TMEM63B: variants seen among roughly 807,000 people sequenced by gnomAD.
TMEM63B encodes mechanosensitive cation channel TMEM63B.
Under a neutral mutation model 102.6 loss-of-function variants are expected in TMEM63B, and 23 were observed. The observed-to-expected ratio is 0.22, with a 90% CI of 0.16 to 0.32. The LOEUF (loss-of-function observed/expected upper bound fraction) is 0.32. TMEM63B is among the 10% of genes least tolerant of loss of function. The pLI, the probability that TMEM63B is intolerant of heterozygous loss-of-function variation, is 1.00. For synonymous variants in TMEM63B, 444 were observed against 437.0 expected (o/e 1.02, Z -0.20); for missense variants, 628 against 1,095.9 (o/e 0.57, Z 6.03).
At chr6:44,149,078 A>C in intron 15 of TMEM63B, 133 bp downstream of exon 15, 1 of 1,405,608 alleles carries the variant, frequency 7.1e-7, no homozygotes, top group Non-Finnish European at 9.8e-7. Context: ...CAGCTCCCAA[A>C]AACCCCTGTG....
At chr6:44,135,410 C>T (rs767609101) in intron 4 of TMEM63B, 44 bp downstream of exon 4, 1 of 1,580,622 alleles carries the variant, frequency 6.3e-7, no homozygotes, top group Non-Finnish European at 8.6e-7. Context: ...AACCAGCTTT[C>T]CCTTTTCTTC....
chr6:44,134,616 C>T lies in TMEM63B; in HGVS notation c.32C>T (p.Thr11Ile), dbSNP rs1174274108. Residue 11 changes from threonine (T) to isoleucine (I), a missense_variant, in exon 2 of 24, where the codon ACC (threonine) becomes ATC (isoleucine). Thr to Ile is a moderately conservative substitution (Grantham distance 89). Around this residue, in one of 6 missense-constraint regions of TMEM63B, gnomAD observed 336 missense variants for 580.3 expected, o/e 0.58. Transcript: ENST00000323267. MLPFLLATLG[T>I]TALNNSNPKD... Reference sequence around the variant, plus strand: ...CCCTTTCTGCTGGCCACACTGGGCACCACAGCCCTCAACAACAGCAACCCC... The same window carrying T: ...CCCTTTCTGCTGGCCACACTGGGCATCACAGCCCTCAACAACAGCAACCCC... 2 of 1,614,032 alleles carry T rather than the reference C, an allele frequency of 1.2e-6. No individual in the cohort carries two copies. Among genetic ancestry groups the T allele is most frequent in the Non-Finnish European group, 1.7e-6 (2 of 1,180,026 alleles).
intron 4 of TMEM63B, 144 bp downstream of exon 4, chr6:44,135,510 G>A (rs1245532983): frequency 1.2e-5 from 13 of 1,081,552 alleles, no homozygotes; most frequent in Admixed American, 5.1e-5. Flanking sequence ...TAACGCAGGC[G>A]GTGTGCTTTG....
chr6:44,129,629 A>G (rs1430267928), intron 1 of TMEM63B, among the ~76,000 whole-genome samples: 1 of 152,172 alleles, frequency 6.6e-6, no homozygotes, highest in East Asian at 1.9e-4. Flanking sequence ...CAGAGTCCCT[A>G]ACACAGTGTA....
chr6:44,154,679 TC>T lies in TMEM63B; in HGVS notation c.2308-12del. 1 of 1,534,500 alleles carries T rather than the reference TC, an allele frequency of 6.5e-7. No individual in the cohort carries two copies. The highest frequency in any genetic ancestry group is 8.8e-7 in the Non-Finnish European group (1 of 1,141,170). On this transcript the variant is annotated splice_polypyrimidine_tract_variant and intron_variant, in intron 23 of 23. Coordinates refer to ENST00000323267, the MANE Select transcript of TMEM63B (RefSeq NM_018426.3). ...AGCTGTTCACCTTGCCCCCATTTCC[TC>T]TCCTCCTTCAGAAATACATCGCTCA...
At position 44,154,361 on chromosome 6, in the gene TMEM63B, C is replaced by G. The variant is rs1767547878; in HGVS notation, c.2227-4C>G. ...ACTTCCTGACTCATTCTGGGCCCCT[C>G]AAGATTGAGCACACGGAGACAGATA... On this transcript the variant is annotated splice_region_variant and splice_polypyrimidine_tract_variant and intron_variant, in intron 22 of 23. Transcript: ENST00000323267. The G allele has an allele frequency of 1.2e-6, 2 of 1,613,798 alleles. No homozygotes were observed. The highest frequency in any genetic ancestry group is 1.3e-5 in the African/African-American group (1 of 74,900).
At position 44,152,643 on chromosome 6, in the gene TMEM63B, C is replaced by T. The variant is rs760862552; in HGVS notation, c.1887C>T (p.Cys629=). Reference sequence around the variant, plus strand: ...GCGCAGCCTACGCCTGGATGATGTGCGTCTTCACGGTGGTCATGACCTACA... The same window carrying T: ...GCGCAGCCTACGCCTGGATGATGTGTGTCTTCACGGTGGTCATGACCTACA... ...QFGAAYAWMM[C]VFTVVMTYSI... Residue 629 remains cysteine (C), a synonymous_variant, in exon 20 of 24, where the codon TGC becomes TGT. Transcript: ENST00000323267. This position sits in a 1 kb window ranked among gnomAD's most constrained non-coding sequence, Gnocchi z 6.4. 3 of 1,608,532 alleles carry T rather than the reference C, an allele frequency of 1.9e-6. No individual in the cohort carries two copies. Among genetic ancestry groups the T allele is most frequent in the South Asian group, 1.1e-5 (1 of 91,080 alleles).
intron 1 of TMEM63B, chr6:44,132,409 A>G (rs1207489945): frequency 2.4e-6 from 2 of 825,498 alleles, no homozygotes; most frequent in Non-Finnish European, 2.9e-6. Flanking sequence ...GTTGATAGGA[A>G]TGGTACTCTG....
rs766720746 is a variant in TMEM63B, at chr6:44,148,876, C to T, written c.1344C>T (p.Leu448=). ...NVVLFILLFF[L]TTPAIIITTM... ...TCCTCTTCATCCTCCTCTTCTTCCT[C>T]ACCACTCCAGCCATCATCATCACCA... is the stretch of plus-strand genomic sequence containing the variant. Residue 448 remains leucine (L), a synonymous_variant, in exon 15 of 24, where the codon CTC becomes CTT. Transcript: ENST00000323267. The surrounding 1 kb of genome is among the most constrained non-coding windows in gnomAD (Gnocchi z 5.1). 4 of 1,614,136 alleles carry T rather than the reference C, an allele frequency of 2.5e-6. No individual in the cohort carries two copies. In the South Asian group the frequency reaches 4.4e-5, roughly 18 times the overall value.
chr6:44,154,126 G>T lies in TMEM63B; in HGVS notation c.2164G>T (p.Val722Phe), dbSNP rs756552254. ...FTFVVLVITIVICLCHVCFGH... is the reference protein window; with the variant it reads ...FTFVVLVITIFICLCHVCFGH... ...ATTTGTGGTCCTGGTCATCACCATC[G>T]TCATCTGTCTCTGCCACGTCTGCTT... is the stretch of plus-strand genomic sequence containing the variant. Residue 722 changes from valine to phenylalanine, a missense_variant, in exon 22 of 24, where the codon GTC becomes TTC. Physicochemically the swap from Val to Phe is conservative, Grantham distance 50 (BLOSUM62 -1). Coordinates refer to ENST00000323267, the MANE Select transcript of TMEM63B (RefSeq NM_018426.3). 3.1e-6 allele frequency: 5 copies of T among 1,613,970 alleles called. No individual in the cohort carries two copies. In the Admixed American group the frequency reaches 8.3e-5, roughly 27 times the overall value.
intron 10 of TMEM63B, among the ~76,000 whole-genome samples, chr6:44,143,477 T>C (rs1427319112): frequency 5.3e-5 from 8 of 152,218 alleles, no homozygotes; most frequent in Non-Finnish European, 4.4e-5. Flanking sequence ...TTTTTTCTCA[T>C]ACCATCTTTT....
intron 20 of TMEM63B, 21 bp from the exon 21 acceptor site, chr6:44,153,655 G>A: frequency 6.2e-7 from 1 of 1,607,280 alleles, no homozygotes; most frequent in Non-Finnish European, 8.5e-7. Flanking sequence ...CCGAGGTCAG[G>A]GCCCATGTGG....
chr6:44,148,343 G>A lies in TMEM63B; in HGVS notation c.1079G>A (p.Gly360Asp). ...GAGAAGGTGAATGAGAAGCCTCTTG[G>A]CATGGCCTTTGTCACCTTCCACAAT... ...EKEKVNEKPLGMAFVTFHNET... is the reference protein window; with the variant it reads ...EKEKVNEKPLDMAFVTFHNET... The change falls in exon 13 of 24, where the codon GGC becomes GAC. Residue 360 changes from glycine to aspartate, a missense_variant. Physicochemically the swap from Gly to Asp is moderately conservative, Grantham distance 94. Coordinates refer to ENST00000323267, the MANE Select transcript of TMEM63B (RefSeq NM_018426.3). The surrounding 1 kb of genome is among the most constrained non-coding windows in gnomAD (Gnocchi z 5.1). 1 of 1,614,258 alleles carries A rather than the reference G, an allele frequency of 6.2e-7. No homozygotes were observed. The highest frequency in any genetic ancestry group is 8.5e-7 in the Non-Finnish European group (1 of 1,180,050).
At chr6:44,142,054 C>G (rs1238794804) in intron 10 of TMEM63B, among the ~76,000 whole-genome samples, 1 of 150,768 alleles carries the variant, frequency 6.6e-6, no homozygotes, top group Non-Finnish European at 1.5e-5. Flanking sequence ...CCCAGGAGGT[C>G]GAGGCTGCAG....
chr6:44,134,338 T>C lies in TMEM63B; in HGVS notation c.-24-223T>C, dbSNP rs113624746. Reference sequence around the variant, plus strand: ...CCCAGTCCAGGCCTGGCATCTAGACTGAGTTCCCCAGACCCAGGGTGGGGT... The same window carrying C: ...CCCAGTCCAGGCCTGGCATCTAGACCGAGTTCCCCAGACCCAGGGTGGGGT... On this transcript the variant is annotated intron_variant, in intron 1 of 23. Coordinates refer to ENST00000323267, the MANE Select transcript of TMEM63B (RefSeq NM_018426.3). 3 of 519,854 alleles carry C rather than the reference T, an allele frequency of 5.8e-6. No homozygotes were observed. The South Asian group carries it at 9.1e-5, about 16-fold the overall frequency. The allele number at this position is 519,854 out of a possible 1,614,324, so 32.2% of individuals were successfully genotyped here. A position where few individuals can be genotyped will look rare whatever the true frequency, so the allele number is the denominator to read the frequency against.
chr6:44,134,810 GCTCTAACCA>G, intron 2 of TMEM63B, 67 bp downstream of exon 2: 1 of 1,564,574 alleles, frequency 6.4e-7, no homozygotes, highest in Middle Eastern at 1.7e-4. Flanking sequence ...AACACTTCCA[GCTCTAACCA>G]CTCTCCCACC....
In TMEM63B at chr6:44,148,548, G is replaced by A; in HGVS notation, c.1157G>A (p.Gly386Asp). The A allele has an allele frequency of 6.2e-7, 1 of 1,614,206 alleles. No homozygotes were observed. Among genetic ancestry groups the A allele is most frequent in the Non-Finnish European group, 8.5e-7 (1 of 1,180,038 alleles). Residue 386 changes from glycine (G) to aspartate (D), a missense_variant, in exon 14 of 24, where the codon GGC (glycine) becomes GAC (aspartate). By Grantham distance (94) the Gly-to-Asp change is moderately conservative (BLOSUM62 -1). This residue lies in a region of TMEM63B where 336 missense variants were observed against 580.3 expected (regional missense o/e 0.58). Coordinates refer to ENST00000323267, the MANE Select transcript of TMEM63B (RefSeq NM_018426.3). This position sits in a 1 kb window ranked among gnomAD's most constrained non-coding sequence, Gnocchi z 5.1. Reference protein sequence around the residue: ...LKDFNVCKCQGCTCRGEPRPS... With the variant: ...LKDFNVCKCQDCTCRGEPRPS... The stretch of plus-strand genomic sequence containing the variant: ...GACTTCAACGTGTGTAAATGCCAGG[G>A]CTGCACCTGCCGTGGGGAGCCACGC...
chr6:44,138,303 CCTCT>C (rs1387837338), intron 5 of TMEM63B, 173 bp from the exon 6 acceptor site: 12 of 706,956 alleles, frequency 1.7e-5, no homozygotes, highest in Admixed American at 1.0e-4. Flanking sequence ...TGAGACCTTC[CCTCT>C]CTCTCTCCCT....
chr6:44,134,151 C>T (rs560997415), intron 1 of TMEM63B, among the ~76,000 whole-genome samples: 3 of 152,198 alleles, frequency 2.0e-5, no homozygotes, highest in Non-Finnish European at 4.4e-5. Flanking sequence ...TCATCTTACC[C>T]TTGAGTCCTC....
Sources: gnomAD v4.1 joint callset for allele counts (sites outside exome capture counted in the v4.1 genomes callset) on GRCh38, gnomAD v4.1.1 for gene constraint, gnomAD v4.1.1 regional missense constraint, Gnocchi (gnomAD v3.1) non-coding constraint, MANE v1.5 for transcripts, NCBI Gene and HGNC (gene_info 2026-07-23, HGNC 2026-07-21) for gene names.